The following RAB18 variants were observed in gnomAD, a reference collection of about 807,000 sequenced individuals.
The protein encoded by RAB18 is ras-related protein Rab-18.
A neutral mutation model predicts 28.5 loss-of-function variants in RAB18; 10 were observed. That is an observed-to-expected ratio of 0.35 (90% CI 0.22 to 0.60). The LOEUF is 0.60. RAB18 is among the 20% of genes least tolerant of loss of function. The pLI, the probability that RAB18 is intolerant of heterozygous loss-of-function variation, is 0.78. For synonymous variants in RAB18, 93 were observed against 86.9 expected (o/e 1.07, Z -0.39); for missense variants, 188 against 244.2 (o/e 0.77, Z 1.53).
At chr10:27,525,614 T>C (rs1834655836) in intron 2 of RAB18, among the ~76,000 whole-genome samples, 1 of 152,158 alleles carries the variant, frequency 6.6e-6, no homozygotes, top group Non-Finnish European at 1.5e-5. Flanking sequence ...TTTGTTGGGC[T>C]ATGTAATCAA....
intron 3 of RAB18, among the ~76,000 whole-genome samples, chr10:27,527,852 C>T (rs1834709322): frequency 6.6e-6 from 1 of 151,972 alleles, no homozygotes; most frequent in Admixed American, 6.6e-5. Context: ...ACATTTATCC[C>T]CAAATAACAA....
intron 2 of RAB18, among the ~76,000 whole-genome samples, chr10:27,523,550 C>T (rs185183012): frequency 7.9e-4 from 120 of 150,968 alleles, no homozygotes; most frequent in South Asian, 2.3e-3. Flanking sequence ...TCTTCTGCAG[C>T]GCCTAATTTG....
intron 2 of RAB18, 37 bp downstream of exon 2, chr10:27,509,967 G>A (rs749830661): frequency 6.6e-7 from 1 of 1,525,194 alleles, no homozygotes; most frequent in South Asian, 1.1e-5. Flanking sequence ...GAAATGGCCA[G>A]TATTTTCTTG....
intron 3 of RAB18, among the ~76,000 whole-genome samples, chr10:27,530,172 G>A (rs1834758037): frequency 6.6e-6 from 1 of 151,944 alleles, no homozygotes; most frequent in African/African-American, 2.4e-5. Flanking sequence ...GTTTCCTTAT[G>A]CAAATAGAAT....
chr10:27,509,126 A>G (rs560800797), intron 1 of RAB18, among the ~76,000 whole-genome samples: 1 of 152,164 alleles, frequency 6.6e-6, no homozygotes, highest in South Asian at 2.1e-4. Flanking sequence ...GTTTCTTACC[A>G]TTTCCTAGGT....
intron 3 of RAB18, chr10:27,531,394 C>A (rs1834785149): frequency 7.4e-7 from 1 of 1,350,240 alleles, no homozygotes; most frequent in Middle Eastern, 2.7e-4. Flanking sequence ...ATCTTATAAA[C>A]CTCTTACAGG....
chr10:27,519,767 C>A (rs1834509746), intron 2 of RAB18, among the ~76,000 whole-genome samples: 1 of 152,016 alleles, frequency 6.6e-6, no homozygotes, highest in Non-Finnish European at 1.5e-5. Context: ...TCTATAGATT[C>A]AACATAATCC....
chr10:27,535,730 A>G (rs2172678), intron 6 of RAB18, among the ~76,000 whole-genome samples: 76,260 of 151,946 alleles, frequency 0.5, 19,228 homozygotes, highest in South Asian at 0.52. Context: ...TGGCAGTTCT[A>G]GGAGATACAG....
intron 6 of RAB18, among the ~76,000 whole-genome samples, chr10:27,534,621 A>T (rs1156443258): frequency 6.6e-6 from 1 of 152,240 alleles, no homozygotes; most frequent in Admixed American, 6.5e-5. Flanking sequence ...TTACAGAAAG[A>T]GTTTGCCAAC....
Position 27,538,003 on chromosome 10 carries a change from A to T in RAB18, c.573A>T (p.Glu191Asp). 1 of 1,614,192 alleles carries T rather than the reference A, an allele frequency of 6.2e-7. No individual in the cohort carries two copies. Among genetic ancestry groups the T allele is most frequent in the South Asian group, 1.1e-5 (1 of 91,092 alleles). Reference sequence around the variant, plus strand: ...AAGGAGTCAAACTGTCACACAGGGAAGAAGGCCAAGGAGGAGGAGCCTGTG... The same window carrying T: ...AAGGAGTCAAACTGTCACACAGGGATGAAGGCCAAGGAGGAGGAGCCTGTG... Reference protein sequence around the residue: ...QNKGVKLSHREEGQGGGACGG... With the variant: ...QNKGVKLSHRDEGQGGGACGG... Residue 191 changes from glutamate (E) to aspartate (D), a missense_variant, in exon 7 of 7, where the codon GAA becomes GAT. Coordinates refer to ENST00000356940, the MANE Select transcript of RAB18 (RefSeq NM_021252.5).
At chr10:27,534,396 G>T (rs1564837384) in intron 6 of RAB18, among the ~76,000 whole-genome samples, 1 of 152,152 alleles carries the variant, frequency 6.6e-6, no homozygotes. Flanking sequence ...TCTTCATATG[G>T]TTTGTATGCA....
chr10:27,516,187 G>C (rs1022901615), intron 2 of RAB18, among the ~76,000 whole-genome samples: 1 of 152,020 alleles, frequency 6.6e-6, no homozygotes, highest in African/African-American at 2.4e-5. Context: ...TGTTCCATAG[G>C]TTTTGGTATG....
chr10:27,518,273 C>T (rs1010187922), intron 2 of RAB18, among the ~76,000 whole-genome samples: 2 of 152,100 alleles, frequency 1.3e-5, no homozygotes, highest in African/African-American at 4.8e-5. Context: ...ATTGGTGGGT[C>T]ATATGATAAA....
chr10:27,523,783 TAA>T (rs1297143824), intron 2 of RAB18, among the ~76,000 whole-genome samples: 1 of 152,044 alleles, frequency 6.6e-6, no homozygotes, highest in Non-Finnish European at 1.5e-5. Flanking sequence ...TGGCTAATTT[TAA>T]AAGTTTATTT....
rs150338094 is a variant in RAB18, at chr10:27,533,899, C to G, written c.379-29C>G. On this transcript the variant is annotated intron_variant, in intron 5 of 6. Transcript: ENST00000356940. ...CATTTTGGTTCTATATTTTGGTAGC[C>G]TTTCTTAATCATTGCATTTATATTT... 1.6e-4 allele frequency: 258 copies of G among 1,608,720 alleles called. No homozygotes were observed. In the African/African-American group the frequency reaches 3.1e-3, roughly 19 times the overall value.
At chr10:27,523,170 A>C (rs1834595709) in intron 2 of RAB18, among the ~76,000 whole-genome samples, 2 of 151,764 alleles carry the variant, frequency 1.3e-5, no homozygotes, top group African/African-American at 4.8e-5. Flanking sequence ...AAGTGGCATC[A>C]TACAAATTTT....
Position 27,540,038 on chromosome 10 carries a change from A to G in RAB18, c.*1987A>G. The G allele has an allele frequency of 2.2e-6, 1 of 454,052 alleles. No homozygotes were observed. Among genetic ancestry groups the G allele is most frequent in the Non-Finnish European group, 4.4e-6 (1 of 226,756 alleles). 28.1% of individuals were successfully genotyped at this position (454,052 alleles called of 1,614,324 possible). A position where few individuals can be genotyped will look rare whatever the true frequency, so the allele number is the denominator to read the frequency against. On this transcript the variant is annotated 3_prime_UTR_variant, in exon 7 of 7. Coordinates refer to ENST00000356940, the MANE Select transcript of RAB18 (RefSeq NM_021252.5). ...GGTTTTGTTAATTCTTTTCAGAATC[A>G]TTGAAGCAGTCTTAAAGGGTCTTTT... is the stretch of plus-strand genomic sequence containing the variant.
At position 27,539,136 on chromosome 10, in the gene RAB18, C is replaced by G; in HGVS notation, c.*1085C>G. On this transcript the variant is annotated 3_prime_UTR_variant, in exon 7 of 7. Coordinates refer to ENST00000356940, the MANE Select transcript of RAB18 (RefSeq NM_021252.5). ...AGTAGTTCATCAAAACCAACTTGTA[C>G]AGACTAATAAATCTTTTTCACAGTA... is the stretch of plus-strand genomic sequence containing the variant. The G allele has an allele frequency of 5.3e-6, 2 of 373,932 alleles. No homozygotes were observed. The highest frequency in any genetic ancestry group is 4.0e-5 in the South Asian group (2 of 49,706). The allele number at this position is 373,932 out of a possible 1,614,324, so 23.2% of individuals were successfully genotyped here.
At chr10:27,534,759 C>T (rs530057781) in intron 6 of RAB18, among the ~76,000 whole-genome samples, 116 of 152,248 alleles carry the variant, frequency 7.6e-4, no homozygotes, top group Non-Finnish European at 1.4e-3. Flanking sequence ...TTAGGAATTA[C>T]GGATTTAACC....
Sources: allele counts gnomAD v4.1 joint callset (sites outside exome capture counted in the v4.1 genomes callset), GRCh38; gene constraint gnomAD v4.1.1; transcripts MANE v1.5; gene names NCBI Gene and HGNC (gene_info 2026-07-23, HGNC 2026-07-21).